YWHAZ: variants seen among roughly 807,000 people sequenced by gnomAD.
The protein encoded by YWHAZ is 14-3-3 protein zeta/delta.
For synonymous variants in YWHAZ, 87 were observed against 103.6 expected, an observed-to-expected ratio of 0.84 and a Z score of 0.97; for missense variants, 79 against 284.8, an observed-to-expected ratio of 0.28 and a Z score of 5.20.
At chr8:100,950,633 C>A (rs1329665014) in intron 1 of YWHAZ, 1 of 982,236 alleles carries the variant, frequency 1.0e-6, no homozygotes, top group Non-Finnish European at 1.2e-6. Context: ...GAGGGAGGAG[C>A]AGCCCGCGCC....
Position 100,948,013 on chromosome 8 carries a change from A to T in YWHAZ, c.294+583T>A. ...TGAATACTTAAAATACTCGATTCAA[A>T]CTGGAAAATCAAGCTTGAGTTGTTC... On this transcript the variant is annotated intron_variant, in intron 2 of 5. Transcript: ENST00000395958. The surrounding 1 kb of genome is among the most constrained non-coding windows in gnomAD (Gnocchi z 4.2). The T allele has an allele frequency of 8.0e-7, 1 of 1,244,670 alleles. No individual in the cohort carries two copies. Among genetic ancestry groups the T allele is most frequent in the Non-Finnish European group, 1.1e-6 (1 of 898,132 alleles). 77.1% of individuals were successfully genotyped at this position (1,244,670 alleles called of 1,614,324 possible).
At chr8:100,940,062 CAAAAAA>C (rs33984830) in intron 2 of YWHAZ, among the ~76,000 whole-genome samples, 1 of 99,026 alleles carries the variant, frequency 1.0e-5, no homozygotes, top group Non-Finnish European at 2.0e-5. Context: ...GACTCCGTCT[CAAAAAA>C]AAAAAAAAAA....
At chr8:100,952,255 C>T (rs1810851531), upstream of YWHAZ, 1 of 604,626 alleles carries the variant, frequency 1.7e-6, no homozygotes, top group Non-Finnish European at 2.1e-6. Context: ...CCGCAGCCGC[C>T]ACTCCTCCCA....
chr8:100,934,681 C>T (rs1814012365), intron 2 of YWHAZ, among the ~76,000 whole-genome samples: 1 of 151,862 alleles, frequency 6.6e-6, no homozygotes, highest in African/African-American at 2.4e-5. Flanking sequence ...GCGAGACTGT[C>T]TCCAAAAAAC....
intron 2 of YWHAZ, among the ~76,000 whole-genome samples, chr8:100,935,557 G>C (rs1407650848): frequency 6.6e-6 from 1 of 152,156 alleles, no homozygotes; most frequent in Non-Finnish European, 1.5e-5. Flanking sequence ...ATATGTGAGT[G>C]CTGAACTAAA....
At chr8:100,940,117 A>T (rs1490139762) in intron 2 of YWHAZ, among the ~76,000 whole-genome samples, 1 of 150,780 alleles carries the variant, frequency 6.6e-6, no homozygotes, top group African/African-American at 2.5e-5. Context: ...ACTTATATCA[A>T]AAAGAACTTA....
chr8:100,924,812 G>A lies in YWHAZ; in HGVS notation c.418+104C>T, dbSNP rs1007175078. The A allele has an allele frequency of 2.3e-5, 33 of 1,438,250 alleles. No homozygotes were observed. Among genetic ancestry groups the A allele is most frequent in the Middle Eastern group, 2.6e-4 (1 of 3,858 alleles). The allele number at this position is 1,438,250 out of a possible 1,614,324, so 89.1% of individuals were successfully genotyped here. A position where few individuals can be genotyped will look rare whatever the true frequency, so the allele number is the denominator to read the frequency against. On this transcript the variant is annotated intron_variant, in intron 3 of 5. Transcript: ENST00000395958. This position sits in a 1 kb window ranked among gnomAD's most constrained non-coding sequence, Gnocchi z 5.7. ...CAAAGAGCACTGCTACTCCTTATTCGGCACTCTAAGCAATTCAAAACAAGA... is the reference window on the plus strand; with the variant it reads ...CAAAGAGCACTGCTACTCCTTATTCAGCACTCTAAGCAATTCAAAACAAGA...
chr8:100,933,086 C>T (rs377445817), intron 2 of YWHAZ, among the ~76,000 whole-genome samples: 1 of 152,076 alleles, frequency 6.6e-6, no homozygotes, highest in Non-Finnish European at 1.5e-5. Context: ...CCTGGCTCGG[C>T]GCAGTGGCTC....
At chr8:100,946,823 A>G (rs1348790085) in intron 2 of YWHAZ, among the ~76,000 whole-genome samples, 2 of 152,086 alleles carry the variant, frequency 1.3e-5, no homozygotes, top group East Asian at 3.9e-4. Flanking sequence ...ATAATTGGGA[A>G]AAACACTCCA....
upstream of YWHAZ, chr8:100,952,675 G>T: frequency 3.4e-6 from 2 of 593,224 alleles, no homozygotes; most frequent in Non-Finnish European, 4.3e-6. Context: ...CTCCGGCATT[G>T]TGATCAGGAC....
intron 1 of YWHAZ, among the ~76,000 whole-genome samples, chr8:100,949,138 T>C (rs886682658): frequency 1.3e-5 from 2 of 152,178 alleles, no homozygotes; most frequent in Non-Finnish European, 2.9e-5. Context: ...TAGCAAAACT[T>C]AAAATTTGTT....
At chr8:100,929,201 A>AT (rs200634118) in intron 2 of YWHAZ, among the ~76,000 whole-genome samples, 16,189 of 138,386 alleles carry the variant, frequency 0.12, 1,833 homozygotes, top group African/African-American at 0.29. Flanking sequence ...TCAAACATTG[A>AT]TTTTTTTTTT....
chr8:100,952,080 A>T, upstream of YWHAZ: 1 of 987,104 alleles, frequency 1.0e-6, no homozygotes, highest in Non-Finnish European at 1.2e-6. Context: ...TCCTCCAATC[A>T]CCAGCCCCGG....
chr8:100,950,441 G>C, intron 1 of YWHAZ: 1 of 985,406 alleles, frequency 1.0e-6, no homozygotes, highest in East Asian at 1.1e-4. Context: ...AAACGAAAAC[G>C]GGCAGACCCG....
Position 100,918,288 on chromosome 8 carries a change from A to G in YWHAZ, c.*2405T>C, listed in dbSNP as rs922359254. Reference sequence around the variant, plus strand: ...AACCCAGCAGGCGGAGGTTGCACTCAGCCGAGATCGCACCACTGCACTCAA... The same window carrying G: ...AACCCAGCAGGCGGAGGTTGCACTCGGCCGAGATCGCACCACTGCACTCAA... On this transcript the variant is annotated 3_prime_UTR_variant, in exon 6 of 6. Transcript: ENST00000395958. 2.0e-5 allele frequency: 3 copies of G among 147,562 alleles called. No individual in the cohort carries two copies. The highest frequency in any genetic ancestry group is 4.0e-4 in the East Asian group (2 of 4,976). The allele number at this position is 147,562 out of a possible 1,614,324, so 9.1% of individuals were successfully genotyped here.
intron 2 of YWHAZ, among the ~76,000 whole-genome samples, chr8:100,937,135 T>C (rs993449284): frequency 1.3e-5 from 2 of 152,192 alleles, no homozygotes; most frequent in African/African-American, 4.8e-5. Flanking sequence ...ATGTGGACAA[T>C]CTGGCAAAAT....
intron 2 of YWHAZ, among the ~76,000 whole-genome samples, chr8:100,942,935 A>T (rs1809979644): frequency 6.6e-6 from 1 of 152,340 alleles, no homozygotes; most frequent in African/African-American, 2.4e-5. Context: ...CATCAAGTTT[A>T]TCCATACAGT....
chr8:100,916,748 C>G lies in YWHAZ; in HGVS notation c.*3945G>C, dbSNP rs537297797. On this transcript the variant is annotated 3_prime_UTR_variant, in exon 6 of 6. Transcript: ENST00000395958. ...ATTAACTTGTAACTGCTTCTGCATC[C>G]CAGAGACATATATGCCTGCTTGTCT... The G allele has an allele frequency of 6.6e-6, 1 of 152,294 alleles. No individual in the cohort carries two copies. The highest frequency in any genetic ancestry group is 2.1e-4 in the South Asian group (1 of 4,826). The allele number at this position is 152,294 out of a possible 1,614,324, so 9.4% of individuals were successfully genotyped here.
intron 2 of YWHAZ, among the ~76,000 whole-genome samples, chr8:100,932,557 A>G (rs1391071168): frequency 8.5e-5 from 13 of 152,228 alleles, no homozygotes; most frequent in Non-Finnish European, 4.4e-5. Context: ...ATTATTTTCC[A>G]AAGTTCTCAT....
Sources: allele counts gnomAD v4.1 joint callset (sites outside exome capture counted in the v4.1 genomes callset), GRCh38; gene constraint gnomAD v4.1.1; non-coding constraint Gnocchi (gnomAD v3.1); transcripts MANE v1.5; gene names NCBI Gene and HGNC (gene_info 2026-07-23, HGNC 2026-07-21).